The following DOK6 variants were observed in gnomAD, a reference collection of about 807,000 sequenced individuals.
DOK6 encodes downstream of tyrosine kinase 6.
Under a neutral mutation model 44.0 loss-of-function variants are expected in DOK6, and 22 were observed. That is an observed-to-expected ratio of 0.50 (90% confidence interval 0.36 to 0.71). DOK6 has a LOEUF of 0.71. Among genes scored for constraint, DOK6 ranks in the 30% least tolerant of loss-of-function variants. The pLI, the probability that DOK6 is intolerant of heterozygous loss-of-function variation, is 0.00. For synonymous variants in DOK6, 166 were observed against 145.5 expected, an observed-to-expected ratio of 1.14 and a Z score of -1.01; for missense variants, 340 against 416.4, an observed-to-expected ratio of 0.82 and a Z score of 1.60.
At chr18:69,579,039 A>G (rs575095092) in intron 2 of DOK6, among the ~76,000 whole-genome samples, 182 of 152,312 alleles carry the variant, frequency 1.2e-3, no homozygotes, top group African/African-American at 4.2e-3. Flanking sequence ...AGACTGAGAA[A>G]AAACACTAAA....
chr18:69,792,034 G>A (rs1220361145), intron 7 of DOK6, among the ~76,000 whole-genome samples: 1 of 151,834 alleles, frequency 6.6e-6, no homozygotes, highest in African/African-American at 2.4e-5. Flanking sequence ...CATGTTCCTG[G>A]TGACTTTGTC....
intron 1 of DOK6, among the ~76,000 whole-genome samples, chr18:69,510,058 C>T (rs779115059): frequency 6.6e-6 from 1 of 152,122 alleles, no homozygotes. Flanking sequence ...TAGCTTTTAC[C>T]CTGAGACTAC....
chr18:69,565,394 T>C (rs907057007), intron 2 of DOK6, among the ~76,000 whole-genome samples: 3 of 152,138 alleles, frequency 2.0e-5, no homozygotes, highest in African/African-American at 7.2e-5. Context: ...CTAGTATTTA[T>C]TATTATTAGT....
chr18:69,676,063 T>TA (rs1985915123), intron 3 of DOK6, among the ~76,000 whole-genome samples: 2 of 152,170 alleles, frequency 1.3e-5, no homozygotes, highest in African/African-American at 4.8e-5. Flanking sequence ...ATCCCAGGCC[T>TA]CTGACTCCAC....
intron 5 of DOK6, among the ~76,000 whole-genome samples, chr18:69,736,875 A>T (rs17791606): frequency 0.14 from 21,256 of 152,252 alleles, 1,568 homozygotes; most frequent in Middle Eastern, 0.23. Context: ...CTAGTCATCA[A>T]CAAACATAAT....
At chr18:69,640,680 G>A (rs990243993) in intron 3 of DOK6, among the ~76,000 whole-genome samples, 1 of 152,144 alleles carries the variant, frequency 6.6e-6, no homozygotes, top group African/African-American at 2.4e-5. Context: ...GTACGATCAT[G>A]ATCCCTTCTT....
intron 6 of DOK6, among the ~76,000 whole-genome samples, chr18:69,749,359 A>G (rs959929472): frequency 6.6e-6 from 1 of 152,186 alleles, no homozygotes; most frequent in African/African-American, 2.4e-5. Flanking sequence ...GCCAGCTTTT[A>G]AACGAATTTG....
chr18:69,792,134 A>G (rs1052302366), intron 7 of DOK6, among the ~76,000 whole-genome samples: 1 of 152,116 alleles, frequency 6.6e-6, no homozygotes, highest in Admixed American at 6.6e-5. Flanking sequence ...TGCCATTACC[A>G]TGCTGTTTTA....
intron 4 of DOK6, among the ~76,000 whole-genome samples, chr18:69,680,014 T>C (rs1986010269): frequency 6.6e-6 from 1 of 152,138 alleles, no homozygotes; most frequent in Non-Finnish European, 1.5e-5. Context: ...TGTGTATACT[T>C]TACAGTGGAC....
intron 1 of DOK6, among the ~76,000 whole-genome samples, chr18:69,497,510 G>A (rs1599159685): frequency 6.6e-6 from 1 of 152,142 alleles, no homozygotes; most frequent in Non-Finnish European, 1.5e-5. Context: ...TCTGTGGAAC[G>A]GTGATGTCTC....
At chr18:69,635,382 G>A (rs564086002) in intron 3 of DOK6, among the ~76,000 whole-genome samples, 15 of 152,140 alleles carry the variant, frequency 9.9e-5, no homozygotes, top group South Asian at 2.1e-4. Flanking sequence ...GTGTATAAGC[G>A]TAATAATTCA....
chr18:69,814,204 G>T (rs374817983), intron 7 of DOK6, among the ~76,000 whole-genome samples: 1 of 152,082 alleles, frequency 6.6e-6, no homozygotes, highest in African/African-American at 2.4e-5. Context: ...AAAATACAGA[G>T]GCCAGTAGTC....
intron 1 of DOK6, among the ~76,000 whole-genome samples, chr18:69,493,515 G>C (rs951998112): frequency 1.3e-5 from 2 of 152,160 alleles, no homozygotes; most frequent in African/African-American, 4.8e-5. Context: ...TGATTTTTTA[G>C]CCACTCTAGG....
rs140652272 is a variant in DOK6 at position 69,646,504 on chromosome 18, A to T, written c.290-31230A>T. On this transcript the variant is annotated intron_variant, in intron 3 of 7. Coordinates refer to ENST00000382713, the MANE Select transcript of DOK6 (RefSeq NM_152721.6). ...CATTGATTTTTATTCATTTTTAAAT[A>T]CTGTGTTTTTCAAAATCTTAAAGGT... 7.4e-3 allele frequency among the ~76,000 whole-genome samples: 1,122 copies of T among 152,314 alleles called. 17 individuals carry two copies. Among genetic ancestry groups the T allele is most frequent in the African/African-American group, 0.025 (1,059 of 41,566 alleles).
In DOK6 at chr18:69,558,401, C is replaced by G. The variant is rs976772893; in HGVS notation, c.67-6086C>G. ...CTCCAGTGCCCTTTTTATTTTACTC[C>G]TATTAAAAAGCAAAATACTTTGAAA... On this transcript the variant is annotated intron_variant, in intron 1 of 7. Transcript: ENST00000382713. Among the ~76,000 whole-genome samples the G allele has an allele frequency of 8.5e-5, 13 of 152,114 alleles. No individual in the cohort carries two copies. The South Asian group carries it at 2.1e-3, about 24-fold the overall frequency.
Position 69,758,113 on chromosome 18 carries a change from C to T in DOK6, c.856+240C>T, listed in dbSNP as rs75186828. Among the ~76,000 whole-genome samples, 1,008 of 152,274 alleles carry T rather than the reference C, an allele frequency of 6.6e-3. 42 individuals are homozygous for T. Among genetic ancestry groups the T allele is most frequent in the Admixed American group, 0.058 (884 of 15,298 alleles). ...TGAGGGCTAAGGACCCCATTTGGCA[C>T]GAGAACTTGACTAAAACATTATACC... On this transcript the variant is annotated intron_variant, in intron 7 of 7. Coordinates refer to ENST00000382713, the MANE Select transcript of DOK6 (RefSeq NM_152721.6).
In DOK6 at chr18:69,844,500, C is replaced by T. The variant is rs1982305202; in HGVS notation, c.*3117C>T. The T allele has an allele frequency of 6.6e-6, 1 of 151,944 alleles. No individual in the cohort carries two copies. Among genetic ancestry groups the T allele is most frequent in the African/African-American group, 2.4e-5 (1 of 41,348 alleles). The allele number at this position is 151,944 out of a possible 1,614,324, so 9.4% of individuals were successfully genotyped here. On this transcript the variant is annotated 3_prime_UTR_variant, in exon 8 of 8. Coordinates refer to ENST00000382713, the MANE Select transcript of DOK6 (RefSeq NM_152721.6). Reference sequence around the variant, plus strand: ...TTAATCAATGTACACATGATTGATGCATGATATTACACTTAAAATGCAGGA... The same window carrying T: ...TTAATCAATGTACACATGATTGATGTATGATATTACACTTAAAATGCAGGA...
intron 1 of DOK6, among the ~76,000 whole-genome samples, chr18:69,497,298 C>G (rs1382321946): frequency 6.6e-6 from 1 of 152,126 alleles, no homozygotes; most frequent in African/African-American, 2.4e-5. Context: ...CCCTATTACT[C>G]TAATAGAGAA....
rs1309228020 is a variant in DOK6, at chr18:69,401,254, A to G, written c.10A>G (p.Asn4Asp). The G allele has an allele frequency of 6.3e-7, 1 of 1,577,348 alleles. No individual in the cohort carries two copies. The highest frequency in any genetic ancestry group is 1.1e-5 in the South Asian group (1 of 87,276). ...CCCGATCGCGCTGGCCATGGCCTCCAACTTTAACGACATAGTCAAGCAGGG... is the reference window on the plus strand; with the variant it reads ...CCCGATCGCGCTGGCCATGGCCTCCGACTTTAACGACATAGTCAAGCAGGG... MAS[N>D]FNDIVKQGYV... The change falls in exon 1 of 8, where the codon AAC becomes GAC. Residue 4 changes from asparagine (N) to aspartate (D), a missense_variant. Asn to Asp is a conservative substitution (Grantham distance 23, BLOSUM62 1). This residue lies in a region of DOK6 where 206 missense variants were observed against 258.6 expected (regional missense o/e 0.80). Transcript: ENST00000382713.
Sources: gnomAD v4.1 joint callset for allele counts (sites outside exome capture counted in the v4.1 genomes callset) on GRCh38, gnomAD v4.1.1 for gene constraint, gnomAD v4.1.1 regional missense constraint, MANE v1.5 for transcripts, NCBI Gene and HGNC (gene_info 2026-07-23, HGNC 2026-07-21) for gene names.